Variants in EHBP1 observed in about 807,000 individuals in gnomAD.
EHBP1 encodes the protein EH domain-binding protein 1.
In EHBP1, 55 loss-of-function variants were observed where a neutral mutation model predicts 144.0. The ratio of observed to expected loss-of-function variants is 0.38; its 90% CI spans 0.31 to 0.48. The LOEUF is 0.48. Ranked by LOEUF, EHBP1 falls within the 20% of genes least tolerant of loss-of-function variation. The pLI is 0.98. For missense variants in EHBP1, 1,200 were observed against 1,364.2 expected, an observed-to-expected ratio of 0.88 and a Z score of 1.90; for synonymous variants, 469 against 472.7, an observed-to-expected ratio of 0.99 and a Z score of 0.10.
At chr2:62,839,051 T>G (rs775395218) in intron 7 of EHBP1, among the ~76,000 whole-genome samples, 2,752 of 148,350 alleles carry the variant, frequency 0.019, 31 homozygotes, top group Non-Finnish European at 0.027. Flanking sequence ...AAGAGAATTT[T>G]AGACCAATAT....
chr2:62,979,507 G>C (rs1574334942), intron 15 of EHBP1, among the ~76,000 whole-genome samples, 172 bp downstream of exon 15: 1 of 152,178 alleles, frequency 6.6e-6, no homozygotes, highest in Non-Finnish European at 1.5e-5. Flanking sequence ...GATAACTGTT[G>C]CTGCTTTCCA....
chr2:62,832,801 A>AATGTTGAC (rs1192627277), intron 7 of EHBP1, among the ~76,000 whole-genome samples: 1 of 152,152 alleles, frequency 6.6e-6, no homozygotes, highest in Non-Finnish European at 1.5e-5. Context: ...GGGACATAAC[A>AATGTTGAC]ATGTTGACAT....
chr2:62,929,284 A>G (rs113858437), intron 10 of EHBP1, among the ~76,000 whole-genome samples: 127 of 152,316 alleles, frequency 8.3e-4, no homozygotes, highest in African/African-American at 2.8e-3. Context: ...CAAGAAAACA[A>G]AACTGCAGAC....
intron 10 of EHBP1, among the ~76,000 whole-genome samples, chr2:62,929,260 CCAGA>C (rs1294695216): frequency 6.6e-6 from 1 of 152,146 alleles, no homozygotes; most frequent in Non-Finnish European, 1.5e-5. Flanking sequence ...GATACCAAAG[CCAGA>C]CAAACACTAC....
chr2:62,764,508 A>G, intron 4 of EHBP1, 147 bp downstream of exon 4: 3 of 490,182 alleles, frequency 6.1e-6, no homozygotes, highest in Non-Finnish European at 7.0e-6. Flanking sequence ...ATTTATAACA[A>G]TGCAAAGGAA....
chr2:62,840,181 G>C (rs1294627358), intron 7 of EHBP1, among the ~76,000 whole-genome samples: 1 of 149,658 alleles, frequency 6.7e-6, no homozygotes, highest in African/African-American at 2.5e-5. Context: ...CAGAAATAAC[G>C]CCGCATACCT....
chr2:62,979,445 C>T, intron 15 of EHBP1, 110 bp downstream of exon 15: 3 of 1,191,042 alleles, frequency 2.5e-6, no homozygotes, highest in Non-Finnish European at 2.3e-6. Context: ...TATAAAGCTT[C>T]TAACCTATTG....
At chr2:62,715,714 A>G (rs1247882446) in intron 2 of EHBP1, among the ~76,000 whole-genome samples, 3 of 152,144 alleles carry the variant, frequency 2.0e-5, no homozygotes, top group Admixed American at 6.5e-5. Context: ...ACGATTTTCA[A>G]CTATGTGAAT....
At chr2:62,779,967 C>T (rs895316500) in intron 5 of EHBP1, among the ~76,000 whole-genome samples, 1 of 152,076 alleles carries the variant, frequency 6.6e-6, no homozygotes, top group Non-Finnish European at 1.5e-5. Context: ...ATTTAAAGTA[C>T]ATTTCAGATA....
chr2:62,906,306 CTGTT>C (rs996540135), intron 10 of EHBP1, among the ~76,000 whole-genome samples: 3 of 152,150 alleles, frequency 2.0e-5, no homozygotes, highest in Non-Finnish European at 2.9e-5. Context: ...TCCCAGTGAT[CTGTT>C]TGTCTATCTT....
intron 7 of EHBP1, among the ~76,000 whole-genome samples, chr2:62,853,984 T>TG (rs2048858663): frequency 6.6e-6 from 1 of 152,246 alleles, no homozygotes; most frequent in East Asian, 1.9e-4. Flanking sequence ...GCTTTGTTGT[T>TG]GCCTTTATAC....
chr2:62,677,220 C>T (rs375197310), intron 1 of EHBP1, among the ~76,000 whole-genome samples: 25 of 151,928 alleles, frequency 1.6e-4, no homozygotes, highest in African/African-American at 3.1e-4. Context: ...AAACCTTTGA[C>T]GAATAAAGCC....
intron 18 of EHBP1, 33 bp downstream of exon 18, chr2:62,994,010 C>T: frequency 7.1e-7 from 1 of 1,414,844 alleles, no homozygotes; most frequent in South Asian, 1.3e-5. Context: ...TTCATGATTG[C>T]TGATAATTCC....
At chr2:62,722,479 G>A (rs1197964958) in intron 2 of EHBP1, among the ~76,000 whole-genome samples, 6 of 151,946 alleles carry the variant, frequency 3.9e-5, no homozygotes, top group Non-Finnish European at 7.4e-5. Context: ...GTCAAAATCA[G>A]GAAATTTACA....
intron 7 of EHBP1, among the ~76,000 whole-genome samples, chr2:62,856,327 G>C (rs1194535198): frequency 6.6e-6 from 1 of 152,214 alleles, no homozygotes; most frequent in Non-Finnish European, 1.5e-5. Context: ...TTGGGGCCCT[G>C]TGGTTCCTGG....
intron 5 of EHBP1, among the ~76,000 whole-genome samples, chr2:62,777,733 G>T (rs2152396848): frequency 1.3e-5 from 2 of 152,212 alleles, no homozygotes; most frequent in South Asian, 4.1e-4. Flanking sequence ...GAGAGGTAAA[G>T]AACTGCAAGG....
In EHBP1 at chr2:62,832,844, G is replaced by T. The variant is rs193094822; in HGVS notation, c.634+1686G>T. ...GTTAATAACCCTGCAATGCCTATGG[G>T]TGTTTAAGTGAAAGGAAGAGTTGCA... On this transcript the variant is annotated intron_variant, in intron 7 of 22. Coordinates refer to ENST00000431489, the MANE Select transcript of EHBP1 (RefSeq NM_001142616.3). 1.5e-3 allele frequency among the ~76,000 whole-genome samples: 231 copies of T among 152,206 alleles called. 1 individual carries two copies. The highest frequency in any genetic ancestry group is 5.4e-3 in the African/African-American group (224 of 41,510).
Position 62,791,828 on chromosome 2 carries a change from A to T in EHBP1, c.312+20436A>T, listed in dbSNP as rs188737666. ...ATAATTTAGTCAAGAATACTGCCCA[A>T]ATGTTATTTAGTAATATTTATAATG... On this transcript the variant is annotated intron_variant, in intron 5 of 22. Coordinates refer to ENST00000431489, the MANE Select transcript of EHBP1 (RefSeq NM_001142616.3). Among the ~76,000 whole-genome samples, 1,138 of 152,084 alleles carry T rather than the reference A, an allele frequency of 7.5e-3. 50 individuals carry two copies. The highest frequency in any genetic ancestry group is 0.065 in the Admixed American group (997 of 15,258).
At chr2:62,719,103 C>T (rs1283291758) in intron 2 of EHBP1, among the ~76,000 whole-genome samples, 1 of 151,028 alleles carries the variant, frequency 6.6e-6, no homozygotes, top group Non-Finnish European at 1.5e-5. Context: ...GTAGCTGGTA[C>T]TACAGATGTG....
Sources: gnomAD v4.1 joint callset for allele counts (sites outside exome capture counted in the v4.1 genomes callset) on GRCh38, gnomAD v4.1.1 for gene constraint, MANE v1.5 for transcripts, NCBI Gene and HGNC (gene_info 2026-07-23, HGNC 2026-07-21) for gene names.